JMJD1C: variants seen among roughly 807,000 people sequenced by gnomAD.
JMJD1C encodes jumonji domain-containing protein 1C.
In JMJD1C, 31 loss-of-function variants were observed where a neutral mutation model predicts 245.3. The observed-to-expected ratio is 0.13, with a 90% CI of 0.09 to 0.17. The LOEUF is 0.17. JMJD1C is among the 10% of genes least tolerant of loss of function. The pLI is 1.00. For missense variants in JMJD1C, 2,691 were observed against 3,000.2 expected (o/e 0.90, Z 2.41); for synonymous variants, 1,057 against 1,017.4 (o/e 1.04, Z -0.74).
intron 2 of JMJD1C, among the ~76,000 whole-genome samples, chr10:63,320,500 C>G (rs1940721220): frequency 6.6e-6 from 1 of 152,102 alleles, no homozygotes; most frequent in Non-Finnish European, 1.5e-5. Context: ...GAGCTCAAGA[C>G]ATACAGGTGG....
intron 2 of JMJD1C, among the ~76,000 whole-genome samples, chr10:63,321,999 C>G (rs183568033): frequency 1.3e-3 from 204 of 152,344 alleles, no homozygotes; most frequent in Non-Finnish European, 1.9e-3. Flanking sequence ...AAAAGTCACA[C>G]TTCTTGAATG....
chr10:63,349,667 T>C (rs1033087907), intron 2 of JMJD1C, among the ~76,000 whole-genome samples: 7 of 152,204 alleles, frequency 4.6e-5, no homozygotes, highest in African/African-American at 1.4e-4. Flanking sequence ...TGAGTTACCC[T>C]GGATTTTTAG....
At chr10:63,441,173 A>C (rs1951362465) in intron 1 of JMJD1C, among the ~76,000 whole-genome samples, 1 of 152,202 alleles carries the variant, frequency 6.6e-6, no homozygotes, top group Admixed American at 6.5e-5. Context: ...TCTTTAATCC[A>C]TTTATTTAGA....
chr10:63,251,479 G>C (rs911704614), intron 3 of JMJD1C, among the ~76,000 whole-genome samples: 7 of 152,030 alleles, frequency 4.6e-5, no homozygotes, highest in African/African-American at 1.5e-4. Context: ...TAAATAACTA[G>C]GTCTAGACAG....
At chr10:63,278,909 A>G (rs1024461588) in intron 2 of JMJD1C, among the ~76,000 whole-genome samples, 1 of 151,862 alleles carries the variant, frequency 6.6e-6, no homozygotes, top group Admixed American at 6.6e-5. Flanking sequence ...CTGGTCTTAT[A>G]TACTCATTAT....
chr10:63,215,349 C>A lies in JMJD1C; in HGVS notation c.929G>T (p.Arg310Leu). ...THQQQQQRSI[R>L]PNKRKGSDSS... ...ATCTGAGCCCTTCCTCTTATTTGGA[C>A]GGATACTTCTTTGTTGCTGTTGCTG... Residue 310 changes from arginine (R) to leucine (L), a missense_variant, in exon 7 of 26, where the codon CGT (arginine) becomes CTT (leucine). Physicochemically the swap from Arg to Leu is moderately radical, Grantham distance 102. Transcript: ENST00000399262. The A allele has an allele frequency of 6.2e-7, 1 of 1,613,906 alleles. No individual in the cohort carries two copies. Among genetic ancestry groups the A allele is most frequent in the Non-Finnish European group, 8.5e-7 (1 of 1,179,960 alleles).
At chr10:63,258,330 A>G (rs1433716645) in intron 3 of JMJD1C, among the ~76,000 whole-genome samples, 2 of 152,216 alleles carry the variant, frequency 1.3e-5, no homozygotes, top group African/African-American at 4.8e-5. Flanking sequence ...TTATGCTACA[A>G]TGAATCTCTA....
chr10:63,409,747 C>G (rs1263188299), intron 1 of JMJD1C, among the ~76,000 whole-genome samples: 1 of 152,090 alleles, frequency 6.6e-6, no homozygotes, highest in African/African-American at 2.4e-5. Flanking sequence ...TTGTGGGAGA[C>G]CAGCGAAGCA....
intron 3 of JMJD1C, chr10:63,222,457 A>G: frequency 2.1e-6 from 2 of 973,046 alleles, no homozygotes; most frequent in Non-Finnish European, 3.3e-6. Flanking sequence ...ATCTTGATGA[A>G]AACAATAAAG....
chr10:63,214,576 G>C lies in JMJD1C; in HGVS notation c.1591C>G (p.Leu531Val). The C allele has an allele frequency of 6.2e-7, 1 of 1,613,952 alleles. No homozygotes were observed. The change falls in exon 8 of 26, where the codon CTT (leucine) becomes GTT (valine). Residue 531 changes from leucine (L) to valine (V), a missense_variant. Coordinates refer to ENST00000399262, the MANE Select transcript of JMJD1C (RefSeq NM_032776.3). ...GGATCCATTTTCTGAAGTGTCTGAA[G>C]GCCAAAGGTACTTGAGTTTTCCTGA... ...VAQENSSTFG[L>V]QTLQKMDPNV...
chr10:63,220,719 C>CCT (rs1272628305), intron 3 of JMJD1C, among the ~76,000 whole-genome samples: 1 of 152,132 alleles, frequency 6.6e-6, no homozygotes, highest in African/African-American at 2.4e-5. Flanking sequence ...TCTCAAAGTA[C>CCT]CTCTGCTGCT....
At chr10:63,198,774 A>G (rs368489890) in intron 11 of JMJD1C, 47 bp from the exon 12 acceptor site, 23 of 1,102,962 alleles carry the variant, frequency 2.1e-5, no homozygotes, top group African/African-American at 1.9e-4. Flanking sequence ...ATATTAAAAC[A>G]TAAGTCCAGT....
intron 3 of JMJD1C, among the ~76,000 whole-genome samples, chr10:63,253,548 T>C (rs1853407957): frequency 6.6e-6 from 1 of 152,106 alleles, no homozygotes; most frequent in Admixed American, 6.5e-5. Context: ...CATGTCCAGC[T>C]AATTTTTTTG....
At chr10:63,484,152 G>T (rs1953909240) in intron 1 of JMJD1C, among the ~76,000 whole-genome samples, 1 of 151,830 alleles carries the variant, frequency 6.6e-6, no homozygotes, top group Non-Finnish European at 1.5e-5. Context: ...TCACTAGCTG[G>T]GCATGGTGGC....
Position 63,365,970 on chromosome 10 carries a change from A to T in JMJD1C, c.333+14348T>A, listed in dbSNP as rs117104975. Among the ~76,000 whole-genome samples the T allele has an allele frequency of 3.0e-3, 453 of 152,336 alleles. 1 individual carries two copies. The highest frequency in any genetic ancestry group is 4.9e-3 in the Non-Finnish European group (335 of 68,038). ...ACTGGACTATCTAAAAATGTGATTT[A>T]CAATGGGAAGTACCCAGAAGAATTC... On this transcript the variant is annotated intron_variant, in intron 2 of 25. Coordinates refer to ENST00000399262, the MANE Select transcript of JMJD1C (RefSeq NM_032776.3).
chr10:63,507,575 GTGGAGGTTGTAGTGAGCTGAGAT>G (rs1336833571), intron 1 of JMJD1C, among the ~76,000 whole-genome samples: 2 of 137,976 alleles, frequency 1.4e-5, no homozygotes, highest in Admixed American at 7.7e-5. Flanking sequence ...AACCCGGAAG[GTGGAGGTTGTAGTGAGCTGAGAT>G]TGCACCACTG....
rs773679599 is a variant in JMJD1C at position 63,207,838 on chromosome 10, T to C, written c.3831A>G (p.Arg1277=). 5.0e-6 allele frequency: 8 copies of C among 1,614,138 alleles called. No homozygotes were observed. The South Asian group carries it at 8.8e-5, about 18-fold the overall frequency. The part of the protein sequence containing the change: ...SSEQSLTEMW[R]PNNNLSKEKT... ...TCTCTTTGCTGAGGTTATTATTAGG[T>C]CTCCACATCTCCGTCAAACTCTGTT... The change falls in exon 10 of 26, where the codon AGA becomes AGG. Residue 1277 remains arginine, a synonymous_variant. Transcript: ENST00000399262.
intron 2 of JMJD1C, among the ~76,000 whole-genome samples, chr10:63,293,309 A>G (rs535400892): frequency 3.9e-5 from 6 of 152,134 alleles, no homozygotes; most frequent in Non-Finnish European, 7.4e-5. Context: ...ACCAACAAAT[A>G]CCTAGAGATA....
intron 3 of JMJD1C, among the ~76,000 whole-genome samples, chr10:63,261,812 C>T (rs1378870953): frequency 6.6e-6 from 1 of 152,160 alleles, no homozygotes; most frequent in Non-Finnish European, 1.5e-5. Flanking sequence ...CATACTGCTA[C>T]TGAATAAAAT....
Sources: allele counts gnomAD v4.1 joint callset (sites outside exome capture counted in the v4.1 genomes callset), GRCh38; gene constraint gnomAD v4.1.1; transcripts MANE v1.5; gene names NCBI Gene and HGNC (gene_info 2026-07-23, HGNC 2026-07-21).